DDX10: variants seen among roughly 807,000 people sequenced by gnomAD.
The protein encoded by DDX10 is DEAD-box helicase 10, also known as probable ATP-dependent RNA helicase DDX10.
In DDX10, 74 loss-of-function variants were observed where a neutral mutation model predicts 104.3. The observed-to-expected ratio is 0.71, with a 90% CI of 0.59 to 0.86. The LOEUF (loss-of-function observed/expected upper bound fraction) is 0.86, where lower values mean the gene tolerates loss of function less well. Among genes scored for constraint, DDX10 ranks in the 40% least tolerant of loss-of-function variants. DDX10 has a pLI of 0.00. For missense variants in DDX10, 952 were observed against 1,040.0 expected, an observed-to-expected ratio of 0.92 and a Z score of 1.16; for synonymous variants, 351 against 353.4, an observed-to-expected ratio of 0.99 and a Z score of 0.08.
intron 11 of DDX10, among the ~76,000 whole-genome samples, chr11:108,717,637 G>A (rs1268530776): frequency 6.6e-6 from 1 of 152,150 alleles, no homozygotes; most frequent in Non-Finnish European, 1.5e-5. Flanking sequence ...ATAAAGAAGA[G>A]ATCTTAAATT....
intron 12 of DDX10, 43 bp downstream of exon 12, chr11:108,719,928 T>G (rs2094296251): frequency 1.0e-5 from 12 of 1,153,584 alleles, no homozygotes; most frequent in African/African-American, 9.2e-5. Context: ...TCCTCAAGGT[T>G]AGAGGGAATT....
intron 11 of DDX10, among the ~76,000 whole-genome samples, chr11:108,718,494 T>A (rs899237414): frequency 1.3e-5 from 2 of 152,238 alleles, no homozygotes; most frequent in African/African-American, 2.4e-5. Context: ...GTACACACAT[T>A]TAAAAATATT....
chr11:108,901,626 A>C (rs1863517772), intron 16 of DDX10, among the ~76,000 whole-genome samples: 1 of 152,184 alleles, frequency 6.6e-6, no homozygotes, highest in Admixed American at 6.5e-5. Flanking sequence ...ATAAACTGCA[A>C]GCTCATAAAC....
At chr11:108,880,476 A>G (rs1026464467) in intron 16 of DDX10, among the ~76,000 whole-genome samples, 2 of 152,202 alleles carry the variant, frequency 1.3e-5, no homozygotes, top group Admixed American at 6.5e-5. Flanking sequence ...TTAATTAGAC[A>G]TCATCTTAAT....
intron 8 of DDX10, among the ~76,000 whole-genome samples, chr11:108,692,508 G>A (rs1354380309): frequency 1.3e-5 from 2 of 152,182 alleles, no homozygotes; most frequent in African/African-American, 4.8e-5. Context: ...TTGTGGGAAT[G>A]GGACGGGGAT....
chr11:108,840,892 C>G lies in DDX10; in HGVS notation c.2086-423C>G, dbSNP rs186730244. ...ACATAAAACAACGCAGTGCAATGAA[C>G]TTTGTGTGACAGTAACACACTGGGT... On this transcript the variant is annotated intron_variant, in intron 14 of 17. Coordinates refer to ENST00000322536, the MANE Select transcript of DDX10 (RefSeq NM_004398.4). Among the ~76,000 whole-genome samples the G allele has an allele frequency of 2.6e-5, 4 of 152,258 alleles. No homozygotes were observed. The East Asian group carries it at 7.7e-4, about 29-fold the overall frequency.
intron 13 of DDX10, among the ~76,000 whole-genome samples, chr11:108,737,479 G>A (rs1242458982): frequency 6.6e-6 from 1 of 152,200 alleles, no homozygotes; most frequent in African/African-American, 2.4e-5. Flanking sequence ...TGAAAACAGT[G>A]ATGTTTTGTT....
At chr11:108,841,532 C>A in intron 15 of DDX10, 56 bp downstream of exon 15, 1 of 1,466,814 alleles carries the variant, frequency 6.8e-7, no homozygotes, top group Non-Finnish European at 9.4e-7. Flanking sequence ...CGAAGTATAT[C>A]TAAATATTCA....
At chr11:108,803,708 T>G (rs1862057995) in intron 13 of DDX10, among the ~76,000 whole-genome samples, 2 of 152,244 alleles carry the variant, frequency 1.3e-5, no homozygotes, top group South Asian at 4.1e-4. Flanking sequence ...TGAAATATAC[T>G]TAAAGTGTAA....
At chr11:108,797,010 T>C (rs1861950746) in intron 13 of DDX10, among the ~76,000 whole-genome samples, 1 of 152,130 alleles carries the variant, frequency 6.6e-6, no homozygotes, top group Non-Finnish European at 1.5e-5. Flanking sequence ...TCTGTTGTTG[T>C]TGTTGTTCTT....
chr11:108,679,391 A>C lies in DDX10; in HGVS notation c.679A>C (p.Ile227Leu), dbSNP rs1295306525. ...TTCAGTTCTTGATGAAGCAGATAGA[A>C]TCTTGGATATGGGCTTTGCTGATAC... ...QMLVLDEADR[I>L]LDMGFADTMN... Residue 227 changes from isoleucine to leucine, a missense_variant, in exon 6 of 18, where the codon ATC becomes CTC. Coordinates refer to ENST00000322536, the MANE Select transcript of DDX10 (RefSeq NM_004398.4). 5 of 1,599,436 alleles carry C rather than the reference A, an allele frequency of 3.1e-6. No individual in the cohort carries two copies. The highest frequency in any genetic ancestry group is 4.2e-6 in the Non-Finnish European group (5 of 1,176,746).
At chr11:108,913,541 T>A (rs1235202524) in intron 16 of DDX10, among the ~76,000 whole-genome samples, 1 of 152,094 alleles carries the variant, frequency 6.6e-6, no homozygotes, top group Non-Finnish European at 1.5e-5. Context: ...GTGGGCAAAT[T>A]GCGAGGGAGG....
intron 17 of DDX10, chr11:108,919,359 T>C (rs1247095788): frequency 6.6e-6 from 1 of 152,246 alleles, no homozygotes; most frequent in Non-Finnish European, 1.5e-5. Context: ...GATTAAATAA[T>C]TTAGGTTCTG....
intron 16 of DDX10, among the ~76,000 whole-genome samples, chr11:108,863,044 C>T (rs1169579205): frequency 6.6e-6 from 1 of 152,156 alleles, no homozygotes. Flanking sequence ...TTTGACTTAC[C>T]TCATTCTTAC....
chr11:108,849,682 C>T (rs1862765669), intron 15 of DDX10, among the ~76,000 whole-genome samples: 2 of 151,962 alleles, frequency 1.3e-5, no homozygotes, highest in Non-Finnish European at 2.9e-5. Flanking sequence ...AACATTTTGC[C>T]TTCTTTTTTT....
chr11:108,791,768 G>T (rs989301816), intron 13 of DDX10, among the ~76,000 whole-genome samples: 2 of 152,192 alleles, frequency 1.3e-5, no homozygotes, highest in Non-Finnish European at 2.9e-5. Context: ...TATATGTCTT[G>T]TGGATGTAGG....
At position 108,714,066 on chromosome 11, in the gene DDX10, C is replaced by G. The variant is rs567260010; in HGVS notation, c.1323-1813C>G. On this transcript the variant is annotated intron_variant, in intron 10 of 17. Transcript: ENST00000322536. ...AGAAACTAGTTAAGAACAGAGTGCT[C>G]AGGCATATTTCAAAATGGTTCATTT... 3.3e-5 allele frequency among the ~76,000 whole-genome samples: 5 copies of G among 152,308 alleles called. No individual in the cohort carries two copies. The South Asian group carries it at 1.0e-3, about 32-fold the overall frequency.
At chr11:108,729,246 T>G (rs967010874) in intron 13 of DDX10, among the ~76,000 whole-genome samples, 1 of 152,150 alleles carries the variant, frequency 6.6e-6, no homozygotes, top group African/African-American at 2.4e-5. Context: ...CCAGTGACAC[T>G]ACGTAATACC....
At chr11:108,929,123 T>C (rs1863944159) in intron 17 of DDX10, among the ~76,000 whole-genome samples, 2 of 152,234 alleles carry the variant, frequency 1.3e-5, no homozygotes, top group South Asian at 4.1e-4. Flanking sequence ...TTTGATAAAC[T>C]GCTAGTTTAC....
Sources: allele counts gnomAD v4.1 joint callset (sites outside exome capture counted in the v4.1 genomes callset), GRCh38; gene constraint gnomAD v4.1.1; transcripts MANE v1.5; gene names NCBI Gene and HGNC (gene_info 2026-07-23, HGNC 2026-07-21).